Variants in CTDP1 observed in about 807,000 individuals in gnomAD.
The protein encoded by CTDP1 is CTD phosphatase 1.
In CTDP1, 47 loss-of-function variants were observed where a neutral mutation model predicts 91.8. That is an observed-to-expected ratio of 0.51 (90% CI 0.41 to 0.65). CTDP1 has a LOEUF of 0.65. Ranked by LOEUF, CTDP1 falls within the 30% of genes least tolerant of loss-of-function variation. The pLI is 0.00. For synonymous variants in CTDP1, 656 were observed against 598.5 expected (o/e 1.10, Z -1.40); for missense variants, 1,272 against 1,373.7 (o/e 0.93, Z 1.17).
At chr18:79,712,938 T>C (rs777686914) in intron 6 of CTDP1, 34 bp from the exon 7 acceptor site, 2 of 1,608,186 alleles carry the variant, frequency 1.2e-6, no homozygotes, top group Non-Finnish European at 1.7e-6. Context: ...CTTTTCATTA[T>C]TATTTTTTGT....
chr18:79,696,091 GGCGTGTTGGGGAA>G (rs1156809754), intron 3 of CTDP1, 21 bp downstream of exon 3: 2 of 1,603,686 alleles, frequency 1.2e-6, no homozygotes, highest in African/African-American at 2.7e-5. Flanking sequence ...CATCAGTGGC[GGCGTGTTGGGGAA>G]GCGTGGTGCT....
intron 12 of CTDP1, among the ~76,000 whole-genome samples, chr18:79,737,978 T>C (rs2086699188): frequency 6.6e-6 from 1 of 152,174 alleles, no homozygotes; most frequent in Non-Finnish European, 1.5e-5. Context: ...AATCCCTGGC[T>C]GCCTCTCCGC....
At chr18:79,679,601 G>C, upstream of CTDP1, 1 of 474,802 alleles carries the variant, frequency 2.1e-6, no homozygotes, top group Non-Finnish European at 4.2e-6. Context: ...CTGGGCGACA[G>C]CGGCCCGCGT....
At chr18:79,727,811 C>T (rs374436757) in intron 10 of CTDP1, among the ~76,000 whole-genome samples, 3 of 152,140 alleles carry the variant, frequency 2.0e-5, no homozygotes, top group African/African-American at 7.2e-5. Flanking sequence ...TTTGGTCATC[C>T]AGGGAAGAAC....
rs138457062 is a variant in CTDP1, at chr18:79,697,903, G to A, written c.536G>A (p.Arg179Gln). 1.5e-4 allele frequency: 237 copies of A among 1,614,226 alleles called. No homozygotes were observed. The East Asian group carries it at 2.8e-3, about 19-fold the overall frequency. ...LGREDQQRLH[R>Q]NRKLVLMVDL... Reference sequence around the variant, plus strand: ...AGAGAAGACCAGCAGCGACTGCACCGAAACCGGAAGCTGGTGCTCATGGTG... The same window carrying A: ...AGAGAAGACCAGCAGCGACTGCACCAAAACCGGAAGCTGGTGCTCATGGTG... The change falls in exon 4 of 13, where the codon CGA (arginine) becomes CAA (glutamine). Residue 179 changes from arginine (R) to glutamine (Q), a missense_variant. Arg to Gln is a conservative substitution (Grantham distance 43). Transcript: ENST00000613122.
intron 1 of CTDP1, among the ~76,000 whole-genome samples, 171 bp downstream of exon 1, chr18:79,680,432 G>A (rs1256215578): frequency 6.6e-6 from 1 of 152,212 alleles, no homozygotes; most frequent in Non-Finnish European, 1.5e-5. Context: ...CACCACCTGT[G>A]GTTTTACCAA....
rs2085779136 is a variant in CTDP1 at position 79,697,853 on chromosome 18, ATTGT to A, written c.493-6_493-3del. On this transcript the variant is annotated splice_region_variant and splice_polypyrimidine_tract_variant and intron_variant, in intron 3 of 12. Transcript: ENST00000613122. ...CTTTGTCATTTCTTGTTTCTTTTTA[ATTGT>A]AGCAAGCTGAACAGCTGGGAAGAGA... The A allele has an allele frequency of 1.2e-6, 2 of 1,613,992 alleles. No homozygotes were observed. Among genetic ancestry groups the A allele is most frequent in the Non-Finnish European group, 1.7e-6 (2 of 1,180,016 alleles).
rs2086662694 is a variant in CTDP1 at position 79,736,157 on chromosome 18, ATTTCCAAGCGTCT to A, written c.2581-194_2581-182del. ...CGAACCGACTGGGTTTGCTCTGTGG[ATTTCCAAGCGTCT>A]TTTGCCCGGGGCTTTGTTAAGGATT... is the stretch of plus-strand genomic sequence containing the variant. On this transcript the variant is annotated intron_variant, in intron 11 of 12. Coordinates refer to ENST00000613122, the MANE Select transcript of CTDP1 (RefSeq NM_004715.5). The A allele has an allele frequency of 1.3e-5, 9 of 671,188 alleles. No individual in the cohort carries two copies. The South Asian group carries it at 1.7e-4, about 12-fold the overall frequency. The allele number at this position is 671,188 out of a possible 1,614,324, so 41.6% of individuals were successfully genotyped here.
At chr18:79,741,458 A>G (rs1162586791) in intron 12 of CTDP1, among the ~76,000 whole-genome samples, 1 of 152,220 alleles carries the variant, frequency 6.6e-6, no homozygotes, top group African/African-American at 2.4e-5. Context: ...GGGAGCTGTT[A>G]TGTTACTGGC....
intron 10 of CTDP1, among the ~76,000 whole-genome samples, chr18:79,722,112 A>G (rs2086356707): frequency 6.6e-6 from 1 of 152,254 alleles, no homozygotes. Context: ...TGGTGTTTTA[A>G]TAATTCAGCC....
Position 79,746,563 on chromosome 18 carries a change from G to A in CTDP1, c.2748-7089G>A, listed in dbSNP as rs570609322. ...CTGCATCTCTTGGAAAAGTGAGAGC[G>A]TTTTGACAACTGCTGTCACTGTGAA... On this transcript the variant is annotated intron_variant, in intron 12 of 12. Transcript: ENST00000613122. Among the ~76,000 whole-genome samples the A allele has an allele frequency of 4.6e-5, 7 of 152,356 alleles. No homozygotes were observed. In the South Asian group the frequency reaches 8.3e-4, roughly 18 times the overall value.
rs369463770 is a variant in CTDP1, at chr18:79,715,488, C to T, written c.2028C>T (p.Asp676=). ...KILTRLVLSP[D]APDRATHLIA... Reference sequence around the variant, plus strand: ...TCACTCGGCTGGTGCTGAGCCCCGACGCCCCTGACAGGGCCACGCACCTGA... The same window carrying T: ...TCACTCGGCTGGTGCTGAGCCCCGATGCCCCTGACAGGGCCACGCACCTGA... The change falls in exon 8 of 13, where the codon GAC becomes GAT. Residue 676 remains aspartate, a synonymous_variant. Transcript: ENST00000613122. The T allele has an allele frequency of 3.6e-5, 57 of 1,576,218 alleles. No homozygotes were observed. Among genetic ancestry groups the T allele is most frequent in the Admixed American group, 1.3e-4 (7 of 55,198 alleles).
intron 1 of CTDP1, among the ~76,000 whole-genome samples, chr18:79,690,637 A>T (rs671424): frequency 6.6e-6 from 1 of 152,034 alleles, no homozygotes; most frequent in Admixed American, 6.5e-5. Context: ...AAGAAAAGAC[A>T]TTGCTCTCTG....
chr18:79,695,425 G>T, intron 2 of CTDP1, 117 bp downstream of exon 2: 1 of 870,512 alleles, frequency 1.1e-6, no homozygotes, highest in Admixed American at 1.9e-5. Context: ...AGCGGCAGAT[G>T]CAGACGCCTC....
At position 79,694,482 on chromosome 18, in the gene CTDP1, C is replaced by T. The variant is rs142316652; in HGVS notation, c.315-743C>T. ...CTAGGGGTGGGCGCTGAGTGCTGGG[C>T]GGTCTCATGTCCACGGGGTGGGGTG... On this transcript the variant is annotated intron_variant, in intron 1 of 12. Coordinates refer to ENST00000613122, the MANE Select transcript of CTDP1 (RefSeq NM_004715.5). Among the ~76,000 whole-genome samples the T allele has an allele frequency of 2.9e-3, 396 of 137,502 alleles. 17 individuals are homozygous for T. The highest frequency in any genetic ancestry group is 0.011 in the African/African-American group (380 of 34,682). The allele number at this position is 137,502 out of a possible 152,430, so 90.2% of individuals were successfully genotyped here.
chr18:79,690,843 C>T (rs1029156274), intron 1 of CTDP1, among the ~76,000 whole-genome samples: 4 of 152,210 alleles, frequency 2.6e-5, no homozygotes, highest in African/African-American at 9.6e-5. Flanking sequence ...TAGAATAAGA[C>T]AGTCAGAACC....
rs933604677 is a variant in CTDP1, at chr18:79,725,120, C to T, written c.2418-3787C>T. ...GTGGTCACATTGACTGATTTTTGGACATGAAAACAACCTTGCACCCCAGAA... is the reference window on the plus strand; with the variant it reads ...GTGGTCACATTGACTGATTTTTGGATATGAAAACAACCTTGCACCCCAGAA... On this transcript the variant is annotated intron_variant, in intron 10 of 12. Transcript: ENST00000613122. Among the ~76,000 whole-genome samples the T allele has an allele frequency of 2.6e-5, 4 of 152,188 alleles. No individual in the cohort carries two copies. The South Asian group carries it at 6.2e-4, about 24-fold the overall frequency.
rs73972720 is a variant in CTDP1, at chr18:79,735,025, G to A, written c.2581-1330G>A. 4.6e-3 allele frequency among the ~76,000 whole-genome samples: 700 copies of A among 152,336 alleles called. 7 individuals are homozygous for A. Among genetic ancestry groups the A allele is most frequent in the African/African-American group, 0.016 (662 of 41,560 alleles). On this transcript the variant is annotated intron_variant, in intron 11 of 12. Transcript: ENST00000613122. ...ATGTGCTGTGACTAGCTGGACACGT[G>A]GCGATGAGTTTGAAATTGCAGAGTG... is the stretch of plus-strand genomic sequence containing the variant.
intron 12 of CTDP1, among the ~76,000 whole-genome samples, chr18:79,744,317 A>C (rs2086836985): frequency 6.6e-6 from 1 of 152,242 alleles, no homozygotes; most frequent in African/African-American, 2.4e-5. Flanking sequence ...TGGCAAAATA[A>C]ACTTTTTAAG....
Sources: gnomAD v4.1 joint callset for allele counts (sites outside exome capture counted in the v4.1 genomes callset) on GRCh38, gnomAD v4.1.1 for gene constraint, MANE v1.5 for transcripts, NCBI Gene and HGNC (gene_info 2026-07-23, HGNC 2026-07-21) for gene names.